PRKG1: variants seen among roughly 807,000 people sequenced by gnomAD.
PRKG1 encodes cGMP-dependent protein kinase 1.
In PRKG1, 35 loss-of-function variants were observed where a neutral mutation model predicts 88.1. The ratio of observed to expected loss-of-function variants is 0.40; its 90% CI spans 0.30 to 0.53. The LOEUF is 0.53. Among genes scored for constraint, PRKG1 ranks in the 20% least tolerant of loss-of-function variants. PRKG1 has a pLI of 0.59. For missense variants in PRKG1, 540 were observed against 839.8 expected (o/e 0.64, Z 4.41); for synonymous variants, 303 against 292.5 (o/e 1.04, Z -0.37).
rs553506509 is a variant in PRKG1, at chr10:51,973,438, A to C, written c.762+65868A>C. Among the ~76,000 whole-genome samples, 6 of 152,230 alleles carry C rather than the reference A, an allele frequency of 3.9e-5. No individual in the cohort carries two copies. In the South Asian group the frequency reaches 6.2e-4, roughly 16 times the overall value. On this transcript the variant is annotated intron_variant, in intron 5 of 17. Coordinates refer to ENST00000373980, the MANE Select transcript of PRKG1 (RefSeq NM_006258.4). Reference sequence around the variant, plus strand: ...GGCTGAATTTATTATGTTCCATTGCATGTCTTCTAAACTGGAAACCATTGG... The same window carrying C: ...GGCTGAATTTATTATGTTCCATTGCCTGTCTTCTAAACTGGAAACCATTGG...
rs1837221378 is a variant in PRKG1, at chr10:51,553,990, G to GTGCATATTA, written c.592+86155_592+86156insGCATATTAT. Reference sequence around the variant, plus strand: ...TTAGATACGTGCATATTATATATGCGTATGTGATACGTGCATATTATATGT... The same window carrying GTGCATATTA: ...TTAGATACGTGCATATTATATATGCGTGCATATTATATGTGATACGTGCATATTATATGT... On this transcript the variant is annotated intron_variant, in intron 3 of 17. Coordinates refer to ENST00000373980, the MANE Select transcript of PRKG1 (RefSeq NM_006258.4). Among the ~76,000 whole-genome samples the GTGCATATTA allele has an allele frequency of 2.1e-5, 3 of 141,460 alleles. 1 individual carries two copies. The Admixed American group carries it at 2.2e-4, about 10-fold the overall frequency. The allele number at this position is 141,460 out of a possible 152,430, so 92.8% of individuals were successfully genotyped here. A position where few individuals can be genotyped will look rare whatever the true frequency, so the allele number is the denominator to read the frequency against.
intron 9 of PRKG1, among the ~76,000 whole-genome samples, chr10:52,249,653 T>A (rs1417298854): frequency 6.6e-6 from 1 of 152,072 alleles, no homozygotes; most frequent in African/African-American, 2.4e-5. Flanking sequence ...CAAAATAGTC[T>A]GAAAGAGTTC....
intron 2 of PRKG1, among the ~76,000 whole-genome samples, chr10:51,419,382 G>A (rs1424861244): frequency 6.6e-6 from 1 of 152,104 alleles, no homozygotes; most frequent in East Asian, 1.9e-4. Context: ...GATTTTAGTG[G>A]TAACCATGGC....
At chr10:51,283,506 A>C (rs1840355185) in intron 2 of PRKG1, among the ~76,000 whole-genome samples, 1 of 152,106 alleles carries the variant, frequency 6.6e-6, no homozygotes, top group South Asian at 2.1e-4. Flanking sequence ...TTGTGCTTTT[A>C]ATCAATTTCA....
At chr10:52,080,898 C>T (rs1040577740) in intron 7 of PRKG1, among the ~76,000 whole-genome samples, 2 of 152,076 alleles carry the variant, frequency 1.3e-5, no homozygotes, top group Non-Finnish European at 2.9e-5. Context: ...GTGTTGATTA[C>T]TGTGAGCTTG....
intron 9 of PRKG1, among the ~76,000 whole-genome samples, chr10:52,233,444 C>A (rs1299118153): frequency 1.3e-4 from 20 of 148,774 alleles, no homozygotes; most frequent in African/African-American, 4.7e-4. Context: ...TGGGCGCAGG[C>A]CAGTGGGTGC....
At chr10:51,041,637 A>G (rs1843425569) in intron 1 of PRKG1, among the ~76,000 whole-genome samples, 1 of 152,018 alleles carries the variant, frequency 6.6e-6, no homozygotes, top group African/African-American at 2.4e-5. Context: ...AGGGCCTGGA[A>G]TGGGACCCCA....
chr10:52,018,823 G>A (rs1276373989), intron 5 of PRKG1, among the ~76,000 whole-genome samples: 1 of 152,186 alleles, frequency 6.6e-6, no homozygotes, highest in East Asian at 1.9e-4. Flanking sequence ...GAGTGAGCTA[G>A]TGAAAAAGTA....
At chr10:50,992,489 C>T (rs943838083) in intron 1 of PRKG1, among the ~76,000 whole-genome samples, 1 of 152,124 alleles carries the variant, frequency 6.6e-6, no homozygotes, top group African/African-American at 2.4e-5. Flanking sequence ...TGCGCCCTCC[C>T]TTTTTGTTTT....
intron 2 of PRKG1, among the ~76,000 whole-genome samples, chr10:51,219,993 G>T (rs1056052622): frequency 1.3e-5 from 2 of 152,098 alleles, no homozygotes; most frequent in African/African-American, 4.8e-5. Flanking sequence ...AGATTATCTG[G>T]TTGGGCCTTA....
chr10:51,123,947 C>T (rs554345461), intron 1 of PRKG1, among the ~76,000 whole-genome samples: 4 of 152,090 alleles, frequency 2.6e-5, no homozygotes, highest in East Asian at 1.9e-4. Context: ...AAAAATCACT[C>T]GCTATTGTGA....
At position 50,991,202 on chromosome 10, in the gene PRKG1, C is replaced by A. The variant is rs1160415439; in HGVS notation, c.-177C>A. On this transcript the variant is annotated 5_prime_UTR_variant, in exon 1 of 18. Transcript: ENST00000401604. The surrounding 1 kb of genome is among the most constrained non-coding windows in gnomAD (Gnocchi z 4.5). The stretch of plus-strand genomic sequence containing the variant: ...TTTAGTCCATTCAGCAGAAGCGGAT[C>A]GAAGCAGGAGGCTCCCCGCGCCGCA... 6.9e-6 allele frequency: 6 copies of A among 864,124 alleles called. 1 individual carries two copies. In the South Asian group the frequency reaches 1.1e-4, roughly 17 times the overall value. 53.5% of individuals were successfully genotyped at this position (864,124 alleles called of 1,614,324 possible).
At chr10:51,320,723 C>G (rs1841433563) in intron 2 of PRKG1, 1 of 152,214 alleles carries the variant, frequency 6.6e-6, no homozygotes, top group South Asian at 2.1e-4. Flanking sequence ...CTTTCTTGCT[C>G]TGTCTCTCAA....
chr10:51,006,302 A>G (rs963421665), intron 1 of PRKG1, among the ~76,000 whole-genome samples: 3 of 152,200 alleles, frequency 2.0e-5, no homozygotes, highest in Non-Finnish European at 2.9e-5. Context: ...TTATCATGCA[A>G]AAATACACAC....
At chr10:51,484,372 A>T (rs1840465666) in intron 3 of PRKG1, among the ~76,000 whole-genome samples, 1 of 152,158 alleles carries the variant, frequency 6.6e-6, no homozygotes, top group South Asian at 2.1e-4. Flanking sequence ...TTTTTAAAAG[A>T]CATTTTATCT....
chr10:51,139,493 C>A (rs1218119761), intron 1 of PRKG1, among the ~76,000 whole-genome samples: 1 of 152,116 alleles, frequency 6.6e-6, no homozygotes, highest in Admixed American at 6.5e-5. Flanking sequence ...TCTCAGTCTC[C>A]TTTGTGGGAC....
At chr10:51,909,532 C>A in intron 5 of PRKG1, 1 of 151,854 alleles carries the variant, frequency 6.6e-6, no homozygotes, top group Non-Finnish European at 1.5e-5. Flanking sequence ...GCTGGGAGTC[C>A]TGACAAAATA....
chr10:52,108,473 T>C (rs902739188), intron 7 of PRKG1, among the ~76,000 whole-genome samples: 1 of 152,216 alleles, frequency 6.6e-6, no homozygotes, highest in African/African-American at 2.4e-5. Flanking sequence ...CAAAGATACC[T>C]AAGTGTGGCT....
At chr10:52,068,202 CAAAAAAAAAAAA>C (rs71032621) in intron 7 of PRKG1, among the ~76,000 whole-genome samples, 1 of 38,852 alleles carries the variant, frequency 2.6e-5, no homozygotes, top group Non-Finnish European at 4.7e-5. Flanking sequence ...AACTCCGTCT[CAAAAAAAAAAAA>C]AAAAAAAAAA....
Sources: allele counts gnomAD v4.1 joint callset (sites outside exome capture counted in the v4.1 genomes callset), GRCh38; gene constraint gnomAD v4.1.1; non-coding constraint Gnocchi (gnomAD v3.1); transcripts MANE v1.5; gene names NCBI Gene and HGNC (gene_info 2026-07-23, HGNC 2026-07-21).